GNL1: variants seen among roughly 807,000 people sequenced by gnomAD.
The protein encoded by GNL1 is guanine nucleotide-binding protein-like 1.
Under a neutral mutation model 75.2 loss-of-function variants are expected in GNL1, and 21 were observed. The observed-to-expected ratio is 0.28, with a 90% confidence interval of 0.20 to 0.40. GNL1 has a LOEUF of 0.40. GNL1 is among the 10% of genes least tolerant of loss of function. The pLI is 1.00. For synonymous variants in GNL1, 287 were observed against 303.4 expected, an observed-to-expected ratio of 0.95 and a Z score of 0.56; for missense variants, 579 against 775.0, an observed-to-expected ratio of 0.75 and a Z score of 3.00.
At position 30,556,335 on chromosome 6, in the gene GNL1, CG is replaced by C; in HGVS notation, c.-133del. ...GGGGCTAGCAGGTGACGTCAGCGGG[CG>C]GGCCCGACAGAATTACCGCCGCGGC... On this transcript the variant is annotated 5_prime_UTR_variant, in exon 1 of 12. Transcript: ENST00000376621. The surrounding 1 kb of genome is among the most constrained non-coding windows in gnomAD (Gnocchi z 5.7). 1 of 1,010,208 alleles carries C rather than the reference CG, an allele frequency of 9.9e-7. No homozygotes were observed. Among genetic ancestry groups the C allele is most frequent in the Non-Finnish European group, 1.5e-6 (1 of 678,980 alleles). 62.6% of individuals were successfully genotyped at this position (1,010,208 alleles called of 1,614,324 possible). A position where few individuals can be genotyped will look rare whatever the true frequency, so the allele number is the denominator to read the frequency against.
chr6:30,547,291 C>G lies in GNL1; in HGVS notation c.1279-17G>C. On this transcript the variant is annotated splice_polypyrimidine_tract_variant and intron_variant, in intron 9 of 11. Transcript: ENST00000376621. This position sits in a 1 kb window ranked among gnomAD's most constrained non-coding sequence, Gnocchi z 5.5. Reference sequence around the variant, plus strand: ...TGCCAGAACCTGAGGGAAATGAGCACTCAGTACTTTCCTCAATGTCCCACC... The same window carrying G: ...TGCCAGAACCTGAGGGAAATGAGCAGTCAGTACTTTCCTCAATGTCCCACC... The G allele has an allele frequency of 1.9e-6, 3 of 1,584,688 alleles. No homozygotes were observed. The South Asian group carries it at 3.4e-5, about 18-fold the overall frequency.
rs116024270 is a variant in GNL1, at chr6:30,547,790, G to A, written c.1100-260C>T. On this transcript the variant is annotated intron_variant, in intron 8 of 11. Transcript: ENST00000376621. This position sits in a 1 kb window ranked among gnomAD's most constrained non-coding sequence, Gnocchi z 5.5. ...CACCTCCCTACCTCAGGGTGGTCAG[G>A]ATTAAATGAGATAACCAATACAACT... 2.9e-3 allele frequency: 1,571 copies of A among 532,802 alleles called. 16 individuals carry two copies. The highest frequency in any genetic ancestry group is 0.025 in the African/African-American group (1,287 of 50,692). The allele number at this position is 532,802 out of a possible 1,614,324, so 33.0% of individuals were successfully genotyped here.
At position 30,555,098 on chromosome 6, in the gene GNL1, C is replaced by T. The variant is rs765061111; in HGVS notation, c.333G>A (p.Glu111=). The change falls in exon 3 of 12, where the codon GAG becomes GAA. Residue 111 remains glutamate (E), a synonymous_variant. Coordinates refer to ENST00000376621, the MANE Select transcript of GNL1 (RefSeq NM_005275.5). The surrounding 1 kb of genome is among the most constrained non-coding windows in gnomAD (Gnocchi z 4.3). ...CCTCCCGGATGTCCAGCTCCAACAA[C>T]TCAGCACTGACCGGCTGTAGAACTT... is the stretch of plus-strand genomic sequence containing the variant. ...REQVLQPVSA[E]LLELDIREVY... 1.9e-6 allele frequency: 3 copies of T among 1,613,090 alleles called. No homozygotes were observed. Among genetic ancestry groups the T allele is most frequent in the Non-Finnish European group, 2.5e-6 (3 of 1,180,032 alleles).
Position 30,552,030 on chromosome 6 carries a change from TTTTC to T in GNL1, c.1099+433_1099+436del, listed in dbSNP as rs1414797804. The T allele has an allele frequency of 2.5e-5, 4 of 160,418 alleles. No homozygotes were observed. The highest frequency in any genetic ancestry group is 5.4e-5 in the Non-Finnish European group (4 of 73,612). The allele number at this position is 160,418 out of a possible 1,614,324, so 9.9% of individuals were successfully genotyped here. A position where few individuals can be genotyped will look rare whatever the true frequency, so the allele number is the denominator to read the frequency against. The stretch of plus-strand genomic sequence containing the variant: ...GGCACATACCACCACACTTGGCTAG[TTTTC>T]TTTATCTTTTGTAAAGATGGGGTTT... On this transcript the variant is annotated intron_variant, in intron 8 of 11. Transcript: ENST00000376621. The surrounding 1 kb of genome is among the most constrained non-coding windows in gnomAD (Gnocchi z 4.5).
At chr6:30,553,793 C>G (rs759415468) in intron 5 of GNL1, among the ~76,000 whole-genome samples, 10 of 152,178 alleles carry the variant, frequency 6.6e-5, no homozygotes, top group Admixed American at 1.3e-4. Context: ...GAACCCAAAA[C>G]AAGACAAGGA....
Position 30,553,563 on chromosome 6 carries a change from A to G in GNL1, c.601-6T>C, listed in dbSNP as rs753914373. On this transcript the variant is annotated splice_polypyrimidine_tract_variant and splice_region_variant and intron_variant, in intron 5 of 11. Coordinates refer to ENST00000376621, the MANE Select transcript of GNL1 (RefSeq NM_005275.5). ...GCTGGCGGGAAATTCACAACCTAGG[A>G]CAGAGTTGATAAGAGGATGGAGCAG... 1.2e-6 allele frequency: 2 copies of G among 1,603,230 alleles called. No homozygotes were observed. The highest frequency in any genetic ancestry group is 1.7e-6 in the Non-Finnish European group (2 of 1,171,104).
At position 30,555,830 on chromosome 6, in the gene GNL1, C is replaced by G. The variant is rs543846111; in HGVS notation, c.74-110G>C. The G allele has an allele frequency of 1.7e-6, 2 of 1,164,800 alleles. No individual in the cohort carries two copies. Among genetic ancestry groups the G allele is most frequent in the African/African-American group, 1.5e-5 (1 of 65,650 alleles). The allele number at this position is 1,164,800 out of a possible 1,614,324, so 72.2% of individuals were successfully genotyped here. ...ATCCCACTCAACTTCTTCCGATGTTCAGTCCTCCCAGACACCCTATTTGGG... is the reference window on the plus strand; with the variant it reads ...ATCCCACTCAACTTCTTCCGATGTTGAGTCCTCCCAGACACCCTATTTGGG... On this transcript the variant is annotated intron_variant, in intron 1 of 11. Transcript: ENST00000376621. The surrounding 1 kb of genome is among the most constrained non-coding windows in gnomAD (Gnocchi z 4.3).
rs1194805811 is a variant in GNL1 at position 30,547,566 on chromosome 6, T to A, written c.1100-36A>T. ...CAAGGAAAATTAACGTTTAACAGGT[T>A]TCTACTCTGTGATGGGACTTGGTGC... is the stretch of plus-strand genomic sequence containing the variant. On this transcript the variant is annotated intron_variant, in intron 8 of 11. Transcript: ENST00000376621. The surrounding 1 kb of genome is among the most constrained non-coding windows in gnomAD (Gnocchi z 5.5). The A allele has an allele frequency of 1.9e-6, 3 of 1,578,470 alleles. No homozygotes were observed. The highest frequency in any genetic ancestry group is 2.6e-6 in the Non-Finnish European group (3 of 1,148,860).
intron 8 of GNL1, among the ~76,000 whole-genome samples, chr6:30,549,855 G>A (rs1258764402): frequency 4.2e-5 from 5 of 119,110 alleles, no homozygotes; most frequent in African/African-American, 1.7e-4. Flanking sequence ...ACGAAGTCTT[G>A]CTCTGTCACC....
intron 6 of GNL1, 83 bp from the exon 7 acceptor site, chr6:30,553,262 GC>G (rs1239591072): frequency 2.8e-6 from 4 of 1,432,522 alleles, no homozygotes; most frequent in South Asian, 1.2e-5. Context: ...AAGACCAGGT[GC>G]CCCCTTGTCA....
rs369223931 is a variant in GNL1 at position 30,542,563 on chromosome 6, C to G, written c.*3509G>C. 2.6e-4 allele frequency: 39 copies of G among 152,288 alleles called. No individual in the cohort carries two copies. Among genetic ancestry groups the G allele is most frequent in the African/African-American group, 8.9e-4 (37 of 41,536 alleles). The allele number at this position is 152,288 out of a possible 1,614,324, so 9.4% of individuals were successfully genotyped here. On this transcript the variant is annotated 3_prime_UTR_variant, in exon 12 of 12. Transcript: ENST00000376621. The surrounding 1 kb of genome is among the most constrained non-coding windows in gnomAD (Gnocchi z 4.5). The stretch of plus-strand genomic sequence containing the variant: ...AGACAACTGTCTCAGGAAACAGACC[C>G]ATGACCCACCCAGTTGCCAAGTCAG...
chr6:30,552,742 T>C lies in GNL1; in HGVS notation c.905-81A>G. 8 of 1,276,630 alleles carry C rather than the reference T, an allele frequency of 6.3e-6. No individual in the cohort carries two copies. The highest frequency in any genetic ancestry group is 8.8e-6 in the Non-Finnish European group (8 of 911,994). 79.1% of individuals were successfully genotyped at this position (1,276,630 alleles called of 1,614,324 possible). On this transcript the variant is annotated intron_variant, in intron 7 of 11. Coordinates refer to ENST00000376621, the MANE Select transcript of GNL1 (RefSeq NM_005275.5). This position sits in a 1 kb window ranked among gnomAD's most constrained non-coding sequence, Gnocchi z 4.5. ...GGCACATACTGTGCCCTGCACAGAT[T>C]ATGTAACTGGCACCCTCTGGAGTTG...
chr6:30,551,053 C>T (rs1025177801), intron 8 of GNL1, among the ~76,000 whole-genome samples: 1 of 152,194 alleles, frequency 6.6e-6, no homozygotes, highest in African/African-American at 2.4e-5. Flanking sequence ...AATCTACAGA[C>T]CTTTTTGCCA....
chr6:30,555,977 AG>A lies in GNL1; in HGVS notation c.73+153del, dbSNP rs557303752. 8.0e-5 allele frequency: 77 copies of A among 964,916 alleles called. No homozygotes were observed. The Middle Eastern group carries it at 8.7e-4, about 11-fold the overall frequency. The allele number at this position is 964,916 out of a possible 1,614,324, so 59.8% of individuals were successfully genotyped here. A position where few individuals can be genotyped will look rare whatever the true frequency, so the allele number is the denominator to read the frequency against. On this transcript the variant is annotated intron_variant, in intron 1 of 11. Transcript: ENST00000376621. This position sits in a 1 kb window ranked among gnomAD's most constrained non-coding sequence, Gnocchi z 4.3. ...ATCCTTCCCCACCCCTTCCAGATGT[AG>A]GGGGGGTGGGGGATCCCCTCCGCGA...
chr6:30,556,272 CAG>C lies in GNL1; in HGVS notation c.-71_-70del. 6.5e-7 allele frequency: 1 copy of C among 1,540,562 alleles called. No homozygotes were observed. The highest frequency in any genetic ancestry group is 1.9e-5 in the Admixed American group (1 of 51,902). On this transcript the variant is annotated 5_prime_UTR_variant, in exon 1 of 12. Transcript: ENST00000376621. This position sits in a 1 kb window ranked among gnomAD's most constrained non-coding sequence, Gnocchi z 5.7. ...CGCCTCAACTGACTGCCCCCCGGGG[CAG>C]CCCCCGCCGCAGGGGCCCGGGACCC...
chr6:30,556,094 C>T lies in GNL1; in HGVS notation c.73+37G>A. The T allele has an allele frequency of 6.3e-7, 1 of 1,594,102 alleles. No individual in the cohort carries two copies. Among genetic ancestry groups the T allele is most frequent in the African/African-American group, 1.3e-5 (1 of 74,928 alleles). ...ACCCCTCCTTCCAGATGTGCGGAAG[C>T]CCGAGCCCCGCCCCCTCCTCCCGCT... On this transcript the variant is annotated intron_variant, in intron 1 of 11. Transcript: ENST00000376621. This position sits in a 1 kb window ranked among gnomAD's most constrained non-coding sequence, Gnocchi z 5.7.
At chr6:30,549,156 C>A (rs1438727642) in intron 8 of GNL1, among the ~76,000 whole-genome samples, 1 of 152,094 alleles carries the variant, frequency 6.6e-6, no homozygotes, top group Admixed American at 6.5e-5. Context: ...CGGCTCCACA[C>A]CTGGCTAACT....
In GNL1 at chr6:30,556,228, C is replaced by T. The variant is rs1800174788; in HGVS notation, c.-25G>A. 1 of 1,600,490 alleles carries T rather than the reference C, an allele frequency of 6.2e-7. No homozygotes were observed. On this transcript the variant is annotated 5_prime_UTR_variant, in exon 1 of 12. Transcript: ENST00000376621. The surrounding 1 kb of genome is among the most constrained non-coding windows in gnomAD (Gnocchi z 5.7). Reference sequence around the variant, plus strand: ...TGGCCCGGACCAGTCACCTGGCCCGCCCTCCGCCGAGCTCCCGCCGCCTCA... The same window carrying T: ...TGGCCCGGACCAGTCACCTGGCCCGTCCTCCGCCGAGCTCCCGCCGCCTCA...
rs1379340007 is a variant in GNL1, at chr6:30,546,114, A to G, written c.1782T>C (p.Ala594=). 2 of 1,580,634 alleles carry G rather than the reference A, an allele frequency of 1.3e-6. No individual in the cohort carries two copies. Among genetic ancestry groups the G allele is most frequent in the East Asian group, 4.6e-5 (2 of 43,304 alleles). Reference sequence around the variant, plus strand: ...CCAGCAGGGCATAAGGGTTTCGGCCAGCCAGGCTGGACCCTGGAGCCGAGG... The same window carrying G: ...CCAGCAGGGCATAAGGGTTTCGGCCGGCCAGGCTGGACCCTGGAGCCGAGG... ...TPTSAPGSSL[A]GRNPYALLGE... Residue 594 remains alanine (A), a synonymous_variant, in exon 12 of 12, where the codon GCT becomes GCC. Coordinates refer to ENST00000376621, the MANE Select transcript of GNL1 (RefSeq NM_005275.5). The surrounding 1 kb of genome is among the most constrained non-coding windows in gnomAD (Gnocchi z 5.1).
Sources: gnomAD v4.1 joint callset for allele counts (sites outside exome capture counted in the v4.1 genomes callset) on GRCh38, gnomAD v4.1.1 for gene constraint, Gnocchi (gnomAD v3.1) non-coding constraint, MANE v1.5 for transcripts, NCBI Gene and HGNC (gene_info 2026-07-23, HGNC 2026-07-21) for gene names.